Variants in PUDP observed in about 807,000 individuals in gnomAD.
The protein encoded by PUDP is pseudouridine-5'-phosphatase.
Under a neutral mutation model 9.4 loss-of-function variants are expected in PUDP, and 8 were observed. The observed-to-expected ratio is 0.85, with a 90% CI of 0.50 to 1.53. The LOEUF (loss-of-function observed/expected upper bound fraction) is 1.53, where lower values mean the gene tolerates loss of function less well. Among genes scored for constraint, PUDP ranks in the 40% most tolerant of loss-of-function variants. The pLI, the probability that PUDP is intolerant of heterozygous loss-of-function variation, is 0.00. For synonymous variants in PUDP, 99 were observed against 80.7 expected (o/e 1.23, Z -1.22); for missense variants, 188 against 189.7 (o/e 0.99, Z 0.05).
intron 1 of PUDP, among the ~76,000 whole-genome samples, chrX:7,002,013 G>GA (rs1929331823): frequency 9.0e-6 from 1 of 111,254 alleles, no homozygotes; most frequent in African/African-American, 3.3e-5. Flanking sequence ...GCCATAAAGA[G>GA]AAAAAATTAA....
chrX:6,737,874 G>C (rs1007001664), intron 3 of PUDP, among the ~76,000 whole-genome samples: 1 of 111,148 alleles, frequency 9.0e-6, no homozygotes, highest in Non-Finnish European at 1.9e-5. Context: ...TTGTGCTGTC[G>C]ATGCGAGCAC....
chrX:6,787,077 C>T (rs988936438), intron 3 of PUDP, among the ~76,000 whole-genome samples: 2 of 108,371 alleles, frequency 1.8e-5, no homozygotes, highest in African/African-American at 6.7e-5. Flanking sequence ...AACAATGGCT[C>T]ACCAGCATGT....
intron 1 of PUDP, among the ~76,000 whole-genome samples, chrX:7,041,219 T>G (rs754900877): frequency 1.2e-3 from 135 of 111,140 alleles, no homozygotes; most frequent in Non-Finnish European, 1.7e-3. Flanking sequence ...AAGCGAGAGT[T>G]TGGATCTGAA....
intron 3 of PUDP, among the ~76,000 whole-genome samples, chrX:6,962,232 G>T (rs910275906): frequency 1.0e-5 from 1 of 99,529 alleles, no homozygotes; most frequent in African/African-American, 3.5e-5. Context: ...CTGCCTCTGA[G>T]GTTAAAAAAA....
intron 3 of PUDP, among the ~76,000 whole-genome samples, chrX:6,802,788 G>A (rs1346670593): frequency 3.7e-5 from 4 of 108,945 alleles, no homozygotes; most frequent in Non-Finnish European, 7.6e-5. Flanking sequence ...CAGAGGCTGA[G>A]GTGGCAGAAT....
chrX:7,133,298 A>G (rs1028879403), intron 1 of PUDP, among the ~76,000 whole-genome samples: 1 of 111,895 alleles, frequency 8.9e-6, no homozygotes, highest in Non-Finnish European at 1.9e-5. Context: ...AGGGGTCATC[A>G]GAGCAGAAGC....
chrX:6,783,003 T>C (rs965348439), intron 3 of PUDP, among the ~76,000 whole-genome samples: 2 of 111,442 alleles, frequency 1.8e-5, no homozygotes, highest in African/African-American at 6.5e-5. Context: ...CGGCTCCATC[T>C]TGAGTGAGGG....
intron 3 of PUDP, among the ~76,000 whole-genome samples, chrX:6,973,988 G>C (rs138946004): frequency 0.011 from 1,215 of 111,463 alleles, 8 homozygotes; most frequent in Middle Eastern, 0.073. Context: ...GAGCTTTGTT[G>C]GTTCAAAGTC....
rs189014292 is a variant in PUDP at position 6,753,217 on chromosome X, A to G, written c.*248-46751T>C. 2.2e-3 allele frequency among the ~76,000 whole-genome samples: 241 copies of G among 111,917 alleles called. 1 individual carries two copies. The highest frequency in any genetic ancestry group is 3.4e-3 in the Admixed American group (36 of 10,550). ...TTGACTCCCACTTATGAGTGAGAACATATGGTTTGGTTTTCCATTCCTGAG... is the reference window on the plus strand; with the variant it reads ...TTGACTCCCACTTATGAGTGAGAACGTATGGTTTGGTTTTCCATTCCTGAG... On this transcript the variant is annotated intron_variant and NMD_transcript_variant, in intron 3 of 3. Transcript: ENST00000655425.
chrX:6,753,687 C>T (rs890206922), intron 3 of PUDP, among the ~76,000 whole-genome samples: 4 of 111,703 alleles, frequency 3.6e-5, no homozygotes, highest in African/African-American at 6.5e-5. Flanking sequence ...AAGGTGTTAT[C>T]GCATTGTGGT....
intron 1 of PUDP, among the ~76,000 whole-genome samples, chrX:7,018,415 A>G (rs895540635): frequency 8.9e-6 from 1 of 112,235 alleles, no homozygotes; most frequent in African/African-American, 3.2e-5. Flanking sequence ...GTCTTTCATG[A>G]CCAGCACACC....
At chrX:6,802,815 G>C (rs1439766300) in intron 3 of PUDP, among the ~76,000 whole-genome samples, 1 of 108,301 alleles carries the variant, frequency 9.2e-6, no homozygotes, top group Non-Finnish European at 1.9e-5. Context: ...AACCTGGGAG[G>C]CGGAAGTTGC....
At chrX:6,766,545 A>G (rs1263389133) in intron 3 of PUDP, among the ~76,000 whole-genome samples, 1 of 112,118 alleles carries the variant, frequency 8.9e-6, no homozygotes, top group Non-Finnish European at 1.9e-5. Flanking sequence ...TATATTATAT[A>G]GCATCTAGAG....
intron 3 of PUDP, among the ~76,000 whole-genome samples, chrX:6,897,883 G>A (rs768419686): frequency 3.1e-4 from 35 of 111,290 alleles, no homozygotes; most frequent in African/African-American, 1.1e-3. Context: ...AACTTGCAGG[G>A]GACACCGACG....
At chrX:7,043,925 T>G (rs1929953979), downstream of PUDP, among the ~76,000 whole-genome samples, 1 of 112,317 alleles carries the variant, frequency 8.9e-6, no homozygotes. Context: ...CTATAAGAAC[T>G]TTGAGACTAG....
intron 2 of PUDP, among the ~76,000 whole-genome samples, chrX:7,105,265 A>G (rs1931846929): frequency 9.1e-6 from 1 of 110,126 alleles, no homozygotes; most frequent in African/African-American, 3.3e-5. Flanking sequence ...TATTAATCCT[A>G]TATCTGATTT....
At chrX:7,078,994 G>A (rs1931002389) in intron 2 of PUDP, among the ~76,000 whole-genome samples, 1 of 111,568 alleles carries the variant, frequency 9.0e-6, no homozygotes, top group Non-Finnish European at 1.9e-5. Context: ...CTTATGTAAC[G>A]GCTTTATAAG....
chrX:6,878,047 C>G (rs1220766837), intron 3 of PUDP, among the ~76,000 whole-genome samples: 1 of 112,265 alleles, frequency 8.9e-6, no homozygotes, highest in Non-Finnish European at 1.9e-5. Context: ...TTTTCTAAAA[C>G]TGGCTTGTAC....
chrX:6,866,978 T>C (rs1927096879), intron 3 of PUDP, among the ~76,000 whole-genome samples: 1 of 111,205 alleles, frequency 9.0e-6, no homozygotes. Flanking sequence ...AGGGTCAGGT[T>C]GAGAGGATGG....
Sources: gnomAD v4.1 joint callset for allele counts (sites outside exome capture counted in the v4.1 genomes callset) on GRCh38, gnomAD v4.1.1 for gene constraint, MANE v1.5 for transcripts, NCBI Gene and HGNC (gene_info 2026-07-23, HGNC 2026-07-21) for gene names.